NSMCE3: variants seen among roughly 807,000 people sequenced by gnomAD.
NSMCE3 encodes NSE3 component of SMC5/6 complex.
For synonymous variants in NSMCE3, 214 were observed against 172.2 expected, an observed-to-expected ratio of 1.24 and a Z score of -1.90; for missense variants, 452 against 399.5, an observed-to-expected ratio of 1.13 and a Z score of -1.12.
Position 29,266,037 on chromosome 15 carries a change from G to A in NSMCE3, c.*2754C>T, listed in dbSNP as rs906396784. The A allele has an allele frequency of 6.6e-6, 1 of 152,142 alleles. No homozygotes were observed. The highest frequency in any genetic ancestry group is 1.5e-5 in the Non-Finnish European group (1 of 68,016). 9.4% of individuals were successfully genotyped at this position (152,142 alleles called of 1,614,324 possible). A position where few individuals can be genotyped will look rare whatever the true frequency, so the allele number is the denominator to read the frequency against. ...CAAATGATCTGTATGACCAAAAGAA[G>A]TGAAAATGTGGGAGAAGGTATTTGC... On this transcript the variant is annotated 3_prime_UTR_variant, in exon 1 of 1. Coordinates refer to ENST00000332303, the MANE Select transcript of NSMCE3 (RefSeq NM_138704.4).
rs1394515016 is a variant in NSMCE3, at chr15:29,266,073, T to C, written c.*2718A>G. 6.6e-6 allele frequency: 1 copy of C among 152,148 alleles called. No homozygotes were observed. Among genetic ancestry groups the C allele is most frequent in the Non-Finnish European group, 1.5e-5 (1 of 68,038 alleles). The allele number at this position is 152,148 out of a possible 1,614,324, so 9.4% of individuals were successfully genotyped here. A position where few individuals can be genotyped will look rare whatever the true frequency, so the allele number is the denominator to read the frequency against. ...GGAGAAGGTATTTGCACTAGATAGA[T>C]AGAGCAGACCATGGATTAACATGTA... On this transcript the variant is annotated 3_prime_UTR_variant, in exon 1 of 1. Coordinates refer to ENST00000332303, the MANE Select transcript of NSMCE3 (RefSeq NM_138704.4).
In NSMCE3 at chr15:29,268,845, T is replaced by C. The variant is rs1467396481; in HGVS notation, c.861A>G (p.Ala287=). 1.2e-6 allele frequency: 2 copies of C among 1,614,130 alleles called. No individual in the cohort carries two copies. Among genetic ancestry groups the C allele is most frequent in the Non-Finnish European group, 1.7e-6 (2 of 1,179,980 alleles). ...GAGGTCTGGCCCTGTTCTCCTCATC[T>C]GCCAAAGCCTCACAGTACTGCGCTG... ...DWPAQYCEAL[A]DEENRARPQP... is the part of the protein sequence containing the mutation. The change falls in exon 1 of 1, where the codon GCA becomes GCG. Residue 287 remains alanine, a synonymous_variant. Coordinates refer to ENST00000332303, the MANE Select transcript of NSMCE3 (RefSeq NM_138704.4).
In NSMCE3 at chr15:29,269,486, C is replaced by T. The variant is rs747438797; in HGVS notation, c.220G>A (p.Ala74Thr). ...SPQGARRAQA[A>T]PAVGPRSQKQ... is the part of the protein sequence containing the mutation. The stretch of plus-strand genomic sequence containing the variant: ...TGGCTCCTGGGCCCCACGGCGGGGG[C>T]GGCCTGGGCCCGGCGGGCGCCCTGA... The change falls in exon 1 of 1, where the codon GCC (alanine) becomes ACC (threonine). Residue 74 changes from alanine to threonine, a missense_variant. Physicochemically the swap from Ala to Thr is moderately conservative, Grantham distance 58. Transcript: ENST00000332303. 3 of 1,609,416 alleles carry T rather than the reference C, an allele frequency of 1.9e-6. No individual in the cohort carries two copies. The East Asian group carries it at 6.7e-5, about 36-fold the overall frequency.
chr15:29,267,486 A>G lies in NSMCE3; in HGVS notation c.*1305T>C, dbSNP rs1183842253. ...CTTAAAACCTACCCCCACAACCACC[A>G]TGCTGACAAGTTAGCATGAGCCGTA... is the stretch of plus-strand genomic sequence containing the variant. On this transcript the variant is annotated 3_prime_UTR_variant, in exon 1 of 1. Transcript: ENST00000332303. The G allele has an allele frequency of 6.6e-6, 1 of 152,192 alleles. No homozygotes were observed. The highest frequency in any genetic ancestry group is 1.5e-5 in the Non-Finnish European group (1 of 68,046). The allele number at this position is 152,192 out of a possible 1,614,324, so 9.4% of individuals were successfully genotyped here.
rs546362167 is a variant in NSMCE3 at position 29,266,504 on chromosome 15, A to C, written c.*2287T>G. On this transcript the variant is annotated 3_prime_UTR_variant, in exon 1 of 1. Coordinates refer to ENST00000332303, the MANE Select transcript of NSMCE3 (RefSeq NM_138704.4). Reference sequence around the variant, plus strand: ...ATCTCAAAGAACTGGAAAGACCTTAAATGTCCAGACATTAAGGAATGGATA... The same window carrying C: ...ATCTCAAAGAACTGGAAAGACCTTACATGTCCAGACATTAAGGAATGGATA... 14 of 152,350 alleles carry C rather than the reference A, an allele frequency of 9.2e-5. No homozygotes were observed. The highest frequency in any genetic ancestry group is 3.1e-4 in the African/African-American group (13 of 41,566). 9.4% of individuals were successfully genotyped at this position (152,350 alleles called of 1,614,324 possible). A position where few individuals can be genotyped will look rare whatever the true frequency, so the allele number is the denominator to read the frequency against.
rs930575845 is a variant in NSMCE3, at chr15:29,266,484, A to G, written c.*2307T>C. 3.3e-5 allele frequency: 5 copies of G among 152,276 alleles called. No homozygotes were observed. The highest frequency in any genetic ancestry group is 2.6e-4 in the Admixed American group (4 of 15,300). The allele number at this position is 152,276 out of a possible 1,614,324, so 9.4% of individuals were successfully genotyped here. A position where few individuals can be genotyped will look rare whatever the true frequency, so the allele number is the denominator to read the frequency against. ...GTACTGTACAATGCCTGCAAATCTC[A>G]AAGAACTGGAAAGACCTTAAATGTC... On this transcript the variant is annotated 3_prime_UTR_variant, in exon 1 of 1. Coordinates refer to ENST00000332303, the MANE Select transcript of NSMCE3 (RefSeq NM_138704.4).
Position 29,269,030 on chromosome 15 carries a change from C to T in NSMCE3, c.676G>A (p.Asp226Asn), listed in dbSNP as rs765601244. The T allele has an allele frequency of 3.7e-6, 6 of 1,613,982 alleles. No homozygotes were observed. The highest frequency in any genetic ancestry group is 5.1e-6 in the Non-Finnish European group (6 of 1,180,036). Residue 226 changes from aspartate to asparagine, a missense_variant, in exon 1 of 1, where the codon GAC (aspartate) becomes AAC (asparagine). Transcript: ENST00000332303. ...FGDPKKLITE[D>N]FVRQRYLEYR... is the part of the protein sequence containing the mutation. The stretch of plus-strand genomic sequence containing the variant: ...TCCAGGTAACGCTGTCGCACAAAGT[C>T]CTCAGTAATGAGTTTCTTTGGATCT...
chr15:29,269,314 G>C lies in NSMCE3; in HGVS notation c.392C>G (p.Ala131Gly), dbSNP rs1378944130. 6.2e-7 allele frequency: 1 copy of C among 1,614,028 alleles called. No homozygotes were observed. Among genetic ancestry groups the C allele is most frequent in the African/African-American group, 1.3e-5 (1 of 74,922 alleles). The change falls in exon 1 of 1, where the codon GCC becomes GGC. Residue 131 changes from alanine (A) to glycine (G), a missense_variant. Physicochemically the swap from Ala to Gly is moderately conservative, Grantham distance 60 (BLOSUM62 0). Coordinates refer to ENST00000332303, the MANE Select transcript of NSMCE3 (RefSeq NM_138704.4). Reference sequence around the variant, plus strand: ...CCCGAAGACGTACTGGAGGCGCTCGGCGGCCCGTTTGAAGAGGTCGGGGAA... The same window carrying C: ...CCCGAAGACGTACTGGAGGCGCTCGCCGGCCCGTTTGAAGAGGTCGGGGAA... ...DIFPDLFKRA[A>G]ERLQYVFGYK...
chr15:29,269,190 GCCTTGGTCAC>G lies in NSMCE3; in HGVS notation c.506_515del (p.Gly169AlafsTer8), dbSNP rs759287316. ...TCATCAGGAGGCCCGTAGTGGGCGTGCCTTGGTCACCCCTCATCTCGGCATCCTCCTCCAC... is the reference window on the plus strand; with the variant it reads ...TCATCAGGAGGCCCGTAGTGGGCGTGCCCTCATCTCGGCATCCTCCTCCAC... On this transcript the variant is annotated frameshift_variant, in exon 1 of 1. Transcript: ENST00000332303. LOFTEE classifies it low-confidence loss of function (END_TRUNC). 1 of 1,614,174 alleles carries G rather than the reference GCCTTGGTCAC, an allele frequency of 6.2e-7. No individual in the cohort carries two copies. Among genetic ancestry groups the G allele is most frequent in the South Asian group, 1.1e-5 (1 of 91,082 alleles).
rs1160412069 is a variant in NSMCE3, at chr15:29,265,356, A to T, written c.*3435T>A. On this transcript the variant is annotated 3_prime_UTR_variant, in exon 1 of 1. Coordinates refer to ENST00000332303, the MANE Select transcript of NSMCE3 (RefSeq NM_138704.4). Reference sequence around the variant, plus strand: ...CAGGCATATGATGCTAAAGAATTATAGGCTGGGCGAGGTGGCTCATGCCTG... The same window carrying T: ...CAGGCATATGATGCTAAAGAATTATTGGCTGGGCGAGGTGGCTCATGCCTG... The T allele has an allele frequency of 6.6e-6, 1 of 152,246 alleles. No individual in the cohort carries two copies. The highest frequency in any genetic ancestry group is 2.4e-5 in the African/African-American group (1 of 41,480). The allele number at this position is 152,246 out of a possible 1,614,324, so 9.4% of individuals were successfully genotyped here.
rs2043559234 is a variant in NSMCE3, at chr15:29,269,457, C to T, written c.249G>A (p.Lys83=). ...AAPAVGPRSQ[K]QLELKVSELV... ...GCTCGGACACTTTCAGCTCCAGCTG[C>T]TTCTGGCTCCTGGGCCCCACGGCGG... is the stretch of plus-strand genomic sequence containing the variant. Residue 83 remains lysine, a synonymous_variant, in exon 1 of 1, where the codon AAG becomes AAA. Coordinates refer to ENST00000332303, the MANE Select transcript of NSMCE3 (RefSeq NM_138704.4). 1 of 1,613,600 alleles carries T rather than the reference C, an allele frequency of 6.2e-7. No homozygotes were observed. Among genetic ancestry groups the T allele is most frequent in the Non-Finnish European group, 8.5e-7 (1 of 1,179,988 alleles).
Position 29,269,755 on chromosome 15 carries a change from G to A in NSMCE3, c.-50C>T. On this transcript the variant is annotated 5_prime_UTR_variant, in exon 1 of 1. Transcript: ENST00000332303. Reference sequence around the variant, plus strand: ...ACACTCCGGTAGGCAAGCAGCCGCGGCGGGGATTGCGGGTCGGCGACCCGC... The same window carrying A: ...ACACTCCGGTAGGCAAGCAGCCGCGACGGGGATTGCGGGTCGGCGACCCGC... The A allele has an allele frequency of 1.1e-5, 15 of 1,408,658 alleles. No homozygotes were observed. Among genetic ancestry groups the A allele is most frequent in the Non-Finnish European group, 1.4e-5 (15 of 1,084,514 alleles). 87.3% of individuals were successfully genotyped at this position (1,408,658 alleles called of 1,614,324 possible).
chr15:29,269,654 C>G lies in NSMCE3; in HGVS notation c.52G>C (p.Asp18His), dbSNP rs988612402. The change falls in exon 1 of 1, where the codon GAC becomes CAC. Residue 18 changes from aspartate to histidine, a missense_variant. Transcript: ENST00000332303. The part of the protein sequence containing the change: ...RGRSGGQAER[D>H]RDWSHSGNPG... Reference sequence around the variant, plus strand: ...TTTCCGCTATGGCTCCAGTCTCTGTCCCTCTCGGCCTGGCCGCCAGAGCGG... The same window carrying G: ...TTTCCGCTATGGCTCCAGTCTCTGTGCCTCTCGGCCTGGCCGCCAGAGCGG... The G allele has an allele frequency of 6.4e-7, 1 of 1,568,474 alleles. No individual in the cohort carries two copies. The highest frequency in any genetic ancestry group is 1.4e-5 in the African/African-American group (1 of 70,280).
rs573570406 is a variant in NSMCE3, at chr15:29,268,177, T to C, written c.*614A>G. The C allele has an allele frequency of 3.7e-4, 57 of 152,358 alleles. No individual in the cohort carries two copies. The highest frequency in any genetic ancestry group is 1.3e-3 in the African/African-American group (55 of 41,578). The allele number at this position is 152,358 out of a possible 1,614,324, so 9.4% of individuals were successfully genotyped here. A position where few individuals can be genotyped will look rare whatever the true frequency, so the allele number is the denominator to read the frequency against. ...AGTGCTTCAAAAATACAGTATTTAT[T>C]GTAATAACTACAGTAGCAAGAAGAA... On this transcript the variant is annotated 3_prime_UTR_variant, in exon 1 of 1. Coordinates refer to ENST00000332303, the MANE Select transcript of NSMCE3 (RefSeq NM_138704.4).
chr15:29,268,317 A>G lies in NSMCE3; in HGVS notation c.*474T>C, dbSNP rs997699330. On this transcript the variant is annotated 3_prime_UTR_variant, in exon 1 of 1. Transcript: ENST00000332303. ...TTGCTTGGAACCATGAATAATACTT[A>G]TATATGTACGAAATATAGAAAAATA... 3 of 153,602 alleles carry G rather than the reference A, an allele frequency of 2.0e-5. No homozygotes were observed. The highest frequency in any genetic ancestry group is 7.2e-5 in the African/African-American group (3 of 41,502). 9.5% of individuals were successfully genotyped at this position (153,602 alleles called of 1,614,324 possible).
In NSMCE3 at chr15:29,265,172, T is replaced by C. The variant is rs2043454981; in HGVS notation, c.*3619A>G. 6.6e-6 allele frequency: 1 copy of C among 152,066 alleles called. No homozygotes were observed. Among genetic ancestry groups the C allele is most frequent in the African/African-American group, 2.4e-5 (1 of 41,402 alleles). 9.4% of individuals were successfully genotyped at this position (152,066 alleles called of 1,614,324 possible). On this transcript the variant is annotated 3_prime_UTR_variant, in exon 1 of 1. Coordinates refer to ENST00000332303, the MANE Select transcript of NSMCE3 (RefSeq NM_138704.4). ...AAACTCTTAACAGCAAACATCACACTCTATGGCAAAACTTAAAATTATTTC... is the reference window on the plus strand; with the variant it reads ...AAACTCTTAACAGCAAACATCACACCCTATGGCAAAACTTAAAATTATTTC...
In NSMCE3 at chr15:29,269,259, G is replaced by C. The variant is rs1231715348; in HGVS notation, c.447C>G (p.Ser149Arg). 6.2e-7 allele frequency: 1 copy of C among 1,614,138 alleles called. No homozygotes were observed. Among genetic ancestry groups the C allele is most frequent in the Admixed American group, 1.7e-5 (1 of 60,018 alleles). ...GYKLVELEPK[S>R]NTYILINTLE... ...GGGTGTTGATGAGGATGTAAGTGTT[G>C]CTCTTGGGTTCAAGTTCCACCAGCT... The change falls in exon 1 of 1, where the codon AGC becomes AGG. Residue 149 changes from serine (S) to arginine (R), a missense_variant. Transcript: ENST00000332303.
rs746206591 is a variant in NSMCE3 at position 29,269,504 on chromosome 15, CGCCCTGAGGCGAGGG to C, written c.187_201del (p.Pro63_Gly67del). 3 of 1,600,412 alleles carry C rather than the reference CGCCCTGAGGCGAGGG, an allele frequency of 1.9e-6. No individual in the cohort carries two copies. Among genetic ancestry groups the C allele is most frequent in the Admixed American group, 1.7e-5 (1 of 58,476 alleles). On this transcript the variant is annotated inframe_deletion, in exon 1 of 1. Coordinates refer to ENST00000332303, the MANE Select transcript of NSMCE3 (RefSeq NM_138704.4). ...GCGGGGGCGGCCTGGGCCCGGCGGG[CGCCCTGAGGCGAGGG>C]GCCCTGCGACCCCTGCGAGCCGCCC...
rs1356667339 is a variant in NSMCE3 at position 29,267,838 on chromosome 15, C to T, written c.*953G>A. 1 of 152,144 alleles carries T rather than the reference C, an allele frequency of 6.6e-6. No homozygotes were observed. Among genetic ancestry groups the T allele is most frequent in the Non-Finnish European group, 1.5e-5 (1 of 68,014 alleles). The allele number at this position is 152,144 out of a possible 1,614,324, so 9.4% of individuals were successfully genotyped here. On this transcript the variant is annotated 3_prime_UTR_variant, in exon 1 of 1. Transcript: ENST00000332303. ...CACGGACTAAAACCATTTTACAGGT[C>T]AAGAAACATCTGCATACAAACTAAG...
Sources: gnomAD v4.1 joint callset for allele counts on GRCh38, gnomAD v4.1.1 for gene constraint, MANE v1.5 for transcripts, NCBI Gene and HGNC (gene_info 2026-07-23, HGNC 2026-07-21) for gene names.